PRKN: variants seen among roughly 807,000 people sequenced by gnomAD.
The protein encoded by PRKN is E3 ubiquitin-protein ligase parkin.
A neutral mutation model predicts 59.5 loss-of-function variants in PRKN; 56 were observed. The ratio of observed to expected loss-of-function variants is 0.94; its 90% confidence interval spans 0.76 to 1.18. The LOEUF is 1.18. Ranked by LOEUF, PRKN falls within the 50% of genes most tolerant of loss-of-function variation. The probability of loss-of-function intolerance (pLI) is 0.00; values close to 1 mark genes in which losing one functional copy is unlikely to be tolerated. For missense variants in PRKN, 657 were observed against 596.4 expected (o/e 1.10, Z -1.06); for synonymous variants, 250 against 222.1 (o/e 1.13, Z -1.12).
At chr6:161,916,613 C>G (rs1778567635) in intron 6 of PRKN, among the ~76,000 whole-genome samples, 1 of 152,058 alleles carries the variant, frequency 6.6e-6, no homozygotes, top group South Asian at 2.1e-4. Flanking sequence ...AAAATTGGCC[C>G]TTTACTTACT....
intron 2 of PRKN, among the ~76,000 whole-genome samples, chr6:162,392,181 T>G (rs12665527): frequency 0.07 from 10,645 of 152,018 alleles, 734 homozygotes; most frequent in East Asian, 0.38. Context: ...GCTGCTTGCA[T>G]TCTTTGTGTG....
intron 2 of PRKN, among the ~76,000 whole-genome samples, chr6:162,290,179 T>C (rs1374644116): frequency 2.0e-5 from 3 of 152,178 alleles, no homozygotes; most frequent in Non-Finnish European, 2.9e-5. Flanking sequence ...AGGCTGACTG[T>C]CATTCCCTCT....
chr6:162,611,792 T>C (rs1782162679), intron 1 of PRKN, among the ~76,000 whole-genome samples: 2 of 152,192 alleles, frequency 1.3e-5, no homozygotes, highest in African/African-American at 2.4e-5. Context: ...TAAATGTTTG[T>C]TGTACAAGTG....
rs1361378721 is a variant in PRKN, at chr6:162,421,066, A to G, written c.171+22244T>C. 2.0e-5 allele frequency among the ~76,000 whole-genome samples: 3 copies of G among 152,176 alleles called. No homozygotes were observed. In the East Asian group the frequency reaches 5.8e-4, roughly 29 times the overall value. ...ACAGGCTTGCCAGCCACAGCTCACC[A>G]CCGCTTTCTTATGACCCAAACTCAT... On this transcript the variant is annotated intron_variant, in intron 2 of 11. Transcript: ENST00000366898.
chr6:162,350,949 T>C (rs1252929515), intron 2 of PRKN, among the ~76,000 whole-genome samples: 3 of 152,120 alleles, frequency 2.0e-5, no homozygotes, highest in Non-Finnish European at 4.4e-5. Flanking sequence ...GTCTGTAATG[T>C]AGCACATGCA....
At chr6:161,905,494 G>T (rs183790929) in intron 6 of PRKN, among the ~76,000 whole-genome samples, 3 of 152,232 alleles carry the variant, frequency 2.0e-5, no homozygotes, top group Admixed American at 6.5e-5. Context: ...GCAACACAGG[G>T]ATTCCCCACG....
intron 8 of PRKN, among the ~76,000 whole-genome samples, chr6:161,567,037 TTGTGTG>T (rs1554277340): frequency 9.6e-6 from 1 of 103,770 alleles, no homozygotes; most frequent in Non-Finnish European, 1.9e-5. Flanking sequence ...TTTTTTTTTT[TTGTGTG>T]TGTGTGTGTG....
intron 9 of PRKN, among the ~76,000 whole-genome samples, chr6:161,436,388 AG>A (rs1460227750): frequency 2.2e-5 from 3 of 137,842 alleles, no homozygotes; most frequent in African/African-American, 8.2e-5. Flanking sequence ...CTGGGATGGA[AG>A]AGGAGGCATG....
intron 1 of PRKN, among the ~76,000 whole-genome samples, chr6:162,709,989 G>A (rs1018309491): frequency 2.6e-5 from 4 of 152,116 alleles, no homozygotes; most frequent in South Asian, 2.1e-4. Flanking sequence ...AAACGGAACC[G>A]TGGATATTGC....
intron 5 of PRKN, among the ~76,000 whole-genome samples, chr6:162,020,332 CA>C (rs771141235): frequency 0.064 from 2,877 of 45,108 alleles, 17 homozygotes; most frequent in South Asian, 0.18. Flanking sequence ...ACCAATGAAT[CA>C]AAAAAAAAAA....
chr6:161,897,840 G>T (rs948929534), intron 6 of PRKN, among the ~76,000 whole-genome samples: 1 of 150,462 alleles, frequency 6.6e-6, no homozygotes, highest in African/African-American at 2.5e-5. Flanking sequence ...AGTGGCGGGC[G>T]CCTGTAGTCC....
At chr6:161,902,264 A>G (rs1411803970) in intron 6 of PRKN, among the ~76,000 whole-genome samples, 2 of 152,130 alleles carry the variant, frequency 1.3e-5, no homozygotes, top group African/African-American at 2.4e-5. Context: ...TCCCACTTGC[A>G]AGATGTCAAA....
rs1256327224 is a variant in PRKN, at chr6:161,401,164, T to C, written c.1084-14287A>G. Among the ~76,000 whole-genome samples the C allele has an allele frequency of 1.3e-5, 2 of 152,186 alleles. No homozygotes were observed. Among genetic ancestry groups the C allele is most frequent in the African/African-American group, 2.4e-5 (1 of 41,448 alleles). On this transcript the variant is annotated intron_variant, in intron 9 of 11. Transcript: ENST00000366898. The surrounding 1 kb of genome is among the most constrained non-coding windows in gnomAD (Gnocchi z 4.4). ...AGGTTGGCTCAAAGACACCTGTTTT[T>C]GCATGTAAAGTATCAGGCTGGAAGG...
At position 161,545,004 on chromosome 6, in the gene PRKN, T is replaced by C. The variant is rs12203959; in HGVS notation, c.1083+3850A>G. 0.64 allele frequency: 159,624 copies of C among 249,290 alleles called. 51,486 individuals are homozygous for C. Among genetic ancestry groups the C allele is most frequent in the Middle Eastern group, 0.69 (408 of 590 alleles). 15.4% of individuals were successfully genotyped at this position (249,290 alleles called of 1,614,324 possible). Reference sequence around the variant, plus strand: ...ACAGCTGTGCGGAAGACCACCCAGGTACATGGTCGTGGGTGAAATGACTAG... The same window carrying C: ...ACAGCTGTGCGGAAGACCACCCAGGCACATGGTCGTGGGTGAAATGACTAG... On this transcript the variant is annotated intron_variant, in intron 9 of 11. Coordinates refer to ENST00000366898, the MANE Select transcript of PRKN (RefSeq NM_004562.3). This position sits in a 1 kb window ranked among gnomAD's most constrained non-coding sequence, Gnocchi z 4.1.
chr6:162,386,646 C>T (rs758891762), intron 2 of PRKN, among the ~76,000 whole-genome samples: 2 of 152,208 alleles, frequency 1.3e-5, no homozygotes, highest in Non-Finnish European at 2.9e-5. Context: ...TGCTGGGTTC[C>T]GCCCCAGCCT....
At position 161,547,697 on chromosome 6, in the gene PRKN, A is replaced by G. The variant is rs1020983501; in HGVS notation, c.1083+1157T>C. Among the ~76,000 whole-genome samples the G allele has an allele frequency of 1.3e-5, 2 of 152,232 alleles. No homozygotes were observed. On this transcript the variant is annotated intron_variant, in intron 9 of 11. Transcript: ENST00000366898. The surrounding 1 kb of genome is among the most constrained non-coding windows in gnomAD (Gnocchi z 4.0). ...GGTTGGCAACCTGCTGAGGCCACACACAATCATTGCAGATAATTCAGCACA... is the reference window on the plus strand; with the variant it reads ...GGTTGGCAACCTGCTGAGGCCACACGCAATCATTGCAGATAATTCAGCACA...
chr6:162,651,093 G>A (rs138228978), intron 1 of PRKN, among the ~76,000 whole-genome samples: 724 of 152,300 alleles, frequency 4.8e-3, no homozygotes, highest in Non-Finnish European at 8.0e-3. Flanking sequence ...GTGAGGGTTA[G>A]TCAACTGAGA....
intron 2 of PRKN, among the ~76,000 whole-genome samples, chr6:162,293,801 G>A (rs916808718): frequency 2.0e-5 from 3 of 152,148 alleles, no homozygotes; most frequent in Non-Finnish European, 4.4e-5. Context: ...GAGAGAGACA[G>A]AGGAAGAAGG....
intron 2 of PRKN, among the ~76,000 whole-genome samples, chr6:162,273,890 C>T (rs1402822509): frequency 6.6e-6 from 1 of 152,040 alleles, no homozygotes; most frequent in Admixed American, 6.6e-5. Flanking sequence ...ACTTTCCCTT[C>T]CTATATTATT....
Sources: gnomAD v4.1 joint callset for allele counts (sites outside exome capture counted in the v4.1 genomes callset) on GRCh38, gnomAD v4.1.1 for gene constraint, Gnocchi (gnomAD v3.1) non-coding constraint, MANE v1.5 for transcripts, NCBI Gene and HGNC (gene_info 2026-07-23, HGNC 2026-07-21) for gene names.